Variants in CADM2 observed in about 807,000 individuals in gnomAD.
CADM2 encodes immunoglobulin superfamily member 4D.
In CADM2, 12 loss-of-function variants were observed where a neutral mutation model predicts 49.8. That is an observed-to-expected ratio of 0.24 (90% CI 0.15 to 0.39). The LOEUF (loss-of-function observed/expected upper bound fraction) is 0.39, where lower values mean the gene tolerates loss of function less well. Ranked by LOEUF, CADM2 falls within the 10% of genes least tolerant of loss-of-function variation. CADM2 has a pLI of 1.00. For missense variants in CADM2, 378 were observed against 492.3 expected, an observed-to-expected ratio of 0.77 and a Z score of 2.20; for synonymous variants, 214 against 175.4, an observed-to-expected ratio of 1.22 and a Z score of -1.74.
intron 1 of CADM2, among the ~76,000 whole-genome samples, chr3:85,126,984 T>C (rs1215598488): frequency 6.6e-6 from 1 of 152,148 alleles, no homozygotes; most frequent in Non-Finnish European, 1.5e-5. Flanking sequence ...ATAGTAAGTA[T>C]CTGTTGAGAA....
intron 1 of CADM2, among the ~76,000 whole-genome samples, chr3:85,293,657 C>G (rs1312266577): frequency 2.2e-5 from 3 of 135,840 alleles, no homozygotes; most frequent in Non-Finnish European, 4.7e-5. Flanking sequence ...TAAATGTAAT[C>G]CAGCATATAA....
At chr3:85,726,470 C>A in intron 1 of CADM2, 52 bp from the exon 2 acceptor site, 3 of 1,600,002 alleles carry the variant, frequency 1.9e-6, no homozygotes, top group Non-Finnish European at 2.6e-6. Context: ...GAGAATCTGT[C>A]TAATATCTAA....
At chr3:85,226,240 CT>C (rs1159010203) in intron 1 of CADM2, among the ~76,000 whole-genome samples, 1 of 141,196 alleles carries the variant, frequency 7.1e-6, no homozygotes, top group Non-Finnish European at 1.6e-5. Context: ...ATGAATCTGT[CT>C]GGTCCTGGAT....
chr3:85,425,829 C>T (rs556608900), intron 1 of CADM2, among the ~76,000 whole-genome samples: 2 of 152,244 alleles, frequency 1.3e-5, no homozygotes, highest in South Asian at 4.2e-4. Flanking sequence ...GCCCTGAGCT[C>T]TGGGAGCCCA....
intron 8 of CADM2, among the ~76,000 whole-genome samples, chr3:85,976,063 G>A (rs1315466569): frequency 6.6e-6 from 1 of 151,442 alleles, no homozygotes; most frequent in African/African-American, 2.4e-5. Flanking sequence ...AAATTAATAA[G>A]TTAATGTTGA....
chr3:86,037,880 G>T (rs1296701532), intron 8 of CADM2, among the ~76,000 whole-genome samples: 4 of 152,200 alleles, frequency 2.6e-5, no homozygotes, highest in African/African-American at 4.8e-5. Flanking sequence ...AGAACATGCA[G>T]GTTTGTTGCA....
At chr3:85,770,653 A>G (rs948381130) in intron 2 of CADM2, among the ~76,000 whole-genome samples, 1 of 152,162 alleles carries the variant, frequency 6.6e-6, no homozygotes, top group Non-Finnish European at 1.5e-5. Flanking sequence ...TTTGATTTTG[A>G]TTCTAGAAAT....
At chr3:85,034,789 G>GTTTTTTTTT (rs2035137941) in intron 1 of CADM2, among the ~76,000 whole-genome samples, 2 of 99,366 alleles carry the variant, frequency 2.0e-5, no homozygotes, top group Non-Finnish European at 3.8e-5. Flanking sequence ...AAGACATTTT[G>GTTTTTTTTT]CTTTTTTTTT....
chr3:85,466,543 T>C (rs1394718210), intron 1 of CADM2, among the ~76,000 whole-genome samples: 3 of 152,180 alleles, frequency 2.0e-5, no homozygotes, highest in African/African-American at 7.2e-5. Flanking sequence ...GACTGCTACA[T>C]GCCCATGCCA....
chr3:85,632,488 G>A (rs1044968399), intron 1 of CADM2, among the ~76,000 whole-genome samples: 1 of 152,102 alleles, frequency 6.6e-6, no homozygotes, highest in Non-Finnish European at 1.5e-5. Flanking sequence ...AGATAATTTA[G>A]GGAAGAGCCT....
chr3:85,381,868 G>A (rs1416120949), intron 1 of CADM2, among the ~76,000 whole-genome samples: 1 of 151,914 alleles, frequency 6.6e-6, no homozygotes, highest in Admixed American at 6.6e-5. Flanking sequence ...TTGCTATAGA[G>A]TGCAGGACAC....
chr3:85,694,361 C>T (rs2066486049), intron 1 of CADM2, among the ~76,000 whole-genome samples: 1 of 152,176 alleles, frequency 6.6e-6, no homozygotes. Flanking sequence ...GACACCAATA[C>T]ACACAGAGAA....
chr3:85,957,941 T>C (rs189747606), intron 7 of CADM2, among the ~76,000 whole-genome samples: 2 of 151,960 alleles, frequency 1.3e-5, no homozygotes, highest in East Asian at 3.9e-4. Context: ...AATTGACAAA[T>C]GGGATCTAAT....
intron 1 of CADM2, among the ~76,000 whole-genome samples, chr3:85,079,377 G>T (rs7637733): frequency 0.05 from 7,522 of 151,686 alleles, 585 homozygotes; most frequent in African/African-American, 0.17. Flanking sequence ...AATGCATGTG[G>T]GCTCATAGGT....
At chr3:85,423,361 T>C (rs2036262529) in intron 1 of CADM2, among the ~76,000 whole-genome samples, 1 of 152,088 alleles carries the variant, frequency 6.6e-6, no homozygotes, top group African/African-American at 2.4e-5. Flanking sequence ...CTGTTCTCAT[T>C]TAGGGCCACG....
chr3:85,250,467 A>G (rs1474861387), intron 1 of CADM2, among the ~76,000 whole-genome samples: 1 of 151,574 alleles, frequency 6.6e-6, no homozygotes, highest in Non-Finnish European at 1.5e-5. Context: ...TTCTTCAAAG[A>G]CACATCAAAA....
chr3:85,690,131 C>T (rs193022730), intron 1 of CADM2, among the ~76,000 whole-genome samples: 11 of 152,166 alleles, frequency 7.2e-5, no homozygotes, highest in African/African-American at 1.2e-4. Flanking sequence ...CAGCCTTCTC[C>T]GAGTTGGAAC....
At chr3:85,224,109 G>A (rs2042099283) in intron 1 of CADM2, among the ~76,000 whole-genome samples, 1 of 152,064 alleles carries the variant, frequency 6.6e-6, no homozygotes. Flanking sequence ...AATCCTTTGG[G>A]TATATACCCA....
intron 1 of CADM2, among the ~76,000 whole-genome samples, chr3:84,963,501 C>A (rs144696796): frequency 6.6e-6 from 1 of 152,206 alleles, no homozygotes; most frequent in African/African-American, 2.4e-5. Context: ...ACTGTGTTTA[C>A]TTTTTGGAAT....
Sources: allele counts gnomAD v4.1 joint callset (sites outside exome capture counted in the v4.1 genomes callset), GRCh38; gene constraint gnomAD v4.1.1; transcripts MANE v1.5; gene names NCBI Gene and HGNC (gene_info 2026-07-23, HGNC 2026-07-21).